The following SRGAP2 variants were observed in gnomAD, a reference collection of about 807,000 sequenced individuals.
SRGAP2 encodes the protein SLIT-ROBO Rho GTPase activating protein 2, also known as SLIT-ROBO Rho GTPase-activating protein 2.
A neutral mutation model predicts 57.2 loss-of-function variants in SRGAP2; 15 were observed. The ratio of observed to expected loss-of-function variants is 0.26; its 90% CI spans 0.18 to 0.40. The LOEUF (loss-of-function observed/expected upper bound fraction) is 0.40, where lower values mean the gene tolerates loss of function less well. SRGAP2 is among the 10% of genes least tolerant of loss of function. SRGAP2 has a pLI of 1.00. For synonymous variants in SRGAP2, 249 were observed against 248.0 expected, an observed-to-expected ratio of 1.00 and a Z score of -0.04; for missense variants, 520 against 669.6, an observed-to-expected ratio of 0.78 and a Z score of 2.47.
At position 206,462,602 on chromosome 1, in the gene SRGAP2, G is replaced by A. The variant is rs138578605; in HGVS notation, c.*1182G>A. On this transcript the variant is annotated 3_prime_UTR_variant, in exon 23 of 23. Transcript: ENST00000573034. ...CTCTTCAGGGACCAACAGGGGCTTA[G>A]AGAGCCTTAGTTAGATTAAAGGGAG... is the stretch of plus-strand genomic sequence containing the variant. The A allele has an allele frequency of 1.5e-4, 23 of 152,344 alleles. No homozygotes were observed. The highest frequency in any genetic ancestry group is 5.5e-4 in the African/African-American group (23 of 41,550). The allele number at this position is 152,344 out of a possible 1,614,324, so 9.4% of individuals were successfully genotyped here. A position where few individuals can be genotyped will look rare whatever the true frequency, so the allele number is the denominator to read the frequency against.
In SRGAP2 at chr1:206,260,049, TC is replaced by T. The variant is rs1669453061; in HGVS notation, c.68-43231del. Among the ~76,000 whole-genome samples the T allele has an allele frequency of 7.1e-5, 4 of 56,102 alleles. No individual in the cohort carries two copies. In the South Asian group the frequency reaches 2.4e-3, roughly 34 times the overall value. The allele number at this position is 56,102 out of a possible 152,430, so 36.8% of individuals were successfully genotyped here. Reference sequence around the variant, plus strand: ...GAAGGAGGACCACTCTCTATCCCGCTCTTCCACCCCCCTCATATTTTTTTCA... The same window carrying T: ...GAAGGAGGACCACTCTCTATCCCGCTTTCCACCCCCCTCATATTTTTTTCA... On this transcript the variant is annotated intron_variant, in intron 2 of 22. Transcript: ENST00000573034.
In SRGAP2 at chr1:206,417,020, A is replaced by G. The variant is rs546262072; in HGVS notation, c.1441+1047A>G. Among the ~76,000 whole-genome samples the G allele has an allele frequency of 3.1e-4, 46 of 150,058 alleles. No homozygotes were observed. In the South Asian group the frequency reaches 3.4e-3, roughly 11 times the overall value. On this transcript the variant is annotated intron_variant, in intron 11 of 22. Transcript: ENST00000573034. ...CTTATTATACCAGAACCTCCTACCC[A>G]CCTTTTTTGCCCTGTCCTTTTCCTG...
chr1:206,227,706 A>G (rs1285915973), intron 2 of SRGAP2, among the ~76,000 whole-genome samples: 1 of 152,068 alleles, frequency 6.6e-6, no homozygotes, highest in Non-Finnish European at 1.5e-5. Flanking sequence ...CTGTTGGTGT[A>G]TTCCTATTCA....
Sources: gnomAD v4.1 joint callset for allele counts (sites outside exome capture counted in the v4.1 genomes callset) on GRCh38, gnomAD v4.1.1 for gene constraint, MANE v1.5 for transcripts, NCBI Gene and HGNC (gene_info 2026-07-23, HGNC 2026-07-21) for gene names.